The following BUD13 variants were observed in gnomAD, a reference collection of about 807,000 sequenced individuals.
BUD13 encodes BUD13 homolog.
In BUD13, 47 loss-of-function variants were observed where a neutral mutation model predicts 62.5. That is an observed-to-expected ratio of 0.75 (90% confidence interval 0.60 to 0.96). The LOEUF (loss-of-function observed/expected upper bound fraction) is 0.96, where lower values mean the gene tolerates loss of function less well. Ranked by LOEUF, BUD13 falls within the 40% of genes least tolerant of loss-of-function variation. The pLI, the probability that BUD13 is intolerant of heterozygous loss-of-function variation, is 0.00. For missense variants in BUD13, 821 were observed against 790.9 expected (o/e 1.04, Z -0.46); for synonymous variants, 293 against 280.1 (o/e 1.05, Z -0.46).
chr11:116,748,444 A>C lies in BUD13; in HGVS notation c.*38T>G. The C allele has an allele frequency of 6.3e-7, 1 of 1,582,314 alleles. No homozygotes were observed. Among genetic ancestry groups the C allele is most frequent in the Non-Finnish European group, 8.7e-7 (1 of 1,151,156 alleles). On this transcript the variant is annotated 3_prime_UTR_variant, in exon 10 of 10. Coordinates refer to ENST00000260210, the MANE Select transcript of BUD13 (RefSeq NM_032725.4). Reference sequence around the variant, plus strand: ...ACTGGATATCTCGCTGCCTATGCCCACTACCACAGCCCAGCCACCCCCACA... The same window carrying C: ...ACTGGATATCTCGCTGCCTATGCCCCCTACCACAGCCCAGCCACCCCCACA...
intron 9 of BUD13, among the ~76,000 whole-genome samples, chr11:116,749,741 G>T (rs1249434719): frequency 6.6e-6 from 1 of 152,186 alleles, no homozygotes; most frequent in Admixed American, 6.5e-5. Context: ...TTTAAAGCAA[G>T]AACTTAAACT....
intron 9 of BUD13, among the ~76,000 whole-genome samples, chr11:116,756,712 C>T (rs1401388983): frequency 6.6e-6 from 1 of 152,050 alleles, no homozygotes; most frequent in African/African-American, 2.4e-5. Flanking sequence ...GGTAGGTAGA[C>T]AGATGAGGTG....
At chr11:116,758,804 C>T (rs530555386) in intron 6 of BUD13, among the ~76,000 whole-genome samples, 1 of 151,888 alleles carries the variant, frequency 6.6e-6, no homozygotes, top group East Asian at 1.9e-4. Flanking sequence ...GTTAGCCAGG[C>T]TGGTCTTGAA....
intron 8 of BUD13, 128 bp from the exon 9 acceptor site, chr11:116,757,355 G>C (rs1402927967): frequency 1.2e-6 from 1 of 819,936 alleles, no homozygotes; most frequent in South Asian, 1.7e-5. Flanking sequence ...GAGTACAGTG[G>C]CACGATCTCA....
rs571987372 is a variant in BUD13, at chr11:116,749,978, T to C, written c.1767-1403A>G. On this transcript the variant is annotated intron_variant, in intron 9 of 9. Coordinates refer to ENST00000260210, the MANE Select transcript of BUD13 (RefSeq NM_032725.4). ...GTAGGAGCAGGCTTACAGTAGAAGC[T>C]GATGAGTTCAGCTTTGAATACAATG... Among the ~76,000 whole-genome samples, 4 of 152,330 alleles carry C rather than the reference T, an allele frequency of 2.6e-5. No individual in the cohort carries two copies. In the East Asian group the frequency reaches 7.7e-4, roughly 29 times the overall value.
At chr11:116,764,447 T>C (rs1049778743) in intron 3 of BUD13, among the ~76,000 whole-genome samples, 1 of 152,028 alleles carries the variant, frequency 6.6e-6, no homozygotes, top group Admixed American at 6.6e-5. Flanking sequence ...GTACTTCCAA[T>C]AACAAATTGG....
intron 2 of BUD13, among the ~76,000 whole-genome samples, chr11:116,767,637 G>A (rs935537460): frequency 3.4e-5 from 5 of 145,934 alleles, no homozygotes; most frequent in Non-Finnish European, 7.5e-5. Context: ...TTACTCACTT[G>A]CTAAATCAGC....
intron 2 of BUD13, among the ~76,000 whole-genome samples, chr11:116,767,861 T>G (rs905570094): frequency 6.6e-6 from 1 of 151,500 alleles, no homozygotes; most frequent in Non-Finnish European, 1.5e-5. Context: ...TGGTACCAGC[T>G]ACGTGCAGGA....
rs746499757 is a variant in BUD13, at chr11:116,758,224, T to C, written c.1499+45A>G. 12 of 1,608,078 alleles carry C rather than the reference T, an allele frequency of 7.5e-6. No homozygotes were observed. The South Asian group carries it at 1.1e-4, about 15-fold the overall frequency. On this transcript the variant is annotated intron_variant, in intron 7 of 9. Coordinates refer to ENST00000260210, the MANE Select transcript of BUD13 (RefSeq NM_032725.4). ...ATCAGAAGAGCAGAGAAATGACTTG[T>C]TCCAGTCACTGCCATCTTGTTTACC...
In BUD13 at chr11:116,759,174, T is replaced by C. The variant is rs1231379070; in HGVS notation, c.1260A>G (p.Ala420=). The C allele has an allele frequency of 6.2e-7, 1 of 1,613,198 alleles. No homozygotes were observed. The highest frequency in any genetic ancestry group is 1.7e-5 in the Admixed American group (1 of 60,020). The change falls in exon 6 of 10, where the codon GCA becomes GCG. Residue 420 remains alanine (A), a synonymous_variant. Coordinates refer to ENST00000260210, the MANE Select transcript of BUD13 (RefSeq NM_032725.4). The part of the protein sequence containing the change: ...RRSQPPGKKA[A]HMYSGAKTGL... Reference sequence around the variant, plus strand: ...CAGTTTTAGCCCCAGAATACATGTGTGCAGCCTATGCAACGGAAAAGGGAG... The same window carrying C: ...CAGTTTTAGCCCCAGAATACATGTGCGCAGCCTATGCAACGGAAAAGGGAG...
At chr11:116,749,330 A>C (rs1940194157) in intron 9 of BUD13, among the ~76,000 whole-genome samples, 1 of 152,232 alleles carries the variant, frequency 6.6e-6, no homozygotes, top group Non-Finnish European at 1.5e-5. Context: ...TTAAACAAAT[A>C]AATTAAAAGA....
At chr11:116,750,323 C>A (rs1435029359) in intron 9 of BUD13, among the ~76,000 whole-genome samples, 1 of 152,120 alleles carries the variant, frequency 6.6e-6, no homozygotes, top group South Asian at 2.1e-4. Context: ...AGTGAGTGGA[C>A]CTCAAATCCC....
intron 9 of BUD13, among the ~76,000 whole-genome samples, chr11:116,752,952 G>A (rs987869539): frequency 2.6e-5 from 4 of 152,156 alleles, no homozygotes; most frequent in African/African-American, 7.2e-5. Flanking sequence ...ACGGCACCCC[G>A]AGGGACAGAA....
At chr11:116,757,526 G>T (rs917503451) in intron 8 of BUD13, among the ~76,000 whole-genome samples, 3 of 150,506 alleles carry the variant, frequency 2.0e-5, no homozygotes, top group East Asian at 2.0e-4. Flanking sequence ...GGCTGGTCTC[G>T]AACTCTAAGG....
intron 2 of BUD13, 37 bp from the exon 3 acceptor site, chr11:116,765,483 C>T (rs199761127): frequency 2.7e-5 from 43 of 1,608,746 alleles, no homozygotes; most frequent in Non-Finnish European, 3.4e-5. Context: ...AGGAAATCCA[C>T]AGGATCCAGC....
chr11:116,765,401 C>T lies in BUD13; in HGVS notation c.283G>A (p.Glu95Lys). ...CATTTGGCACTGGAACGAAAGGCCT[C>T]CATCTGCTTTACCTCTTCTGGCCGC... is the stretch of plus-strand genomic sequence containing the variant. Reference protein sequence around the residue: ...DERPEEVKQMEAFRSSAKWKL... With the variant: ...DERPEEVKQMKAFRSSAKWKL... Residue 95 changes from glutamate (E) to lysine (K), a missense_variant, in exon 3 of 10, where the codon GAG (glutamate) becomes AAG (lysine). This residue lies in a region of BUD13 where 800 missense variants were observed against 739.2 expected (regional missense o/e 1.08). Transcript: ENST00000260210. The T allele has an allele frequency of 6.2e-7, 1 of 1,614,176 alleles. No individual in the cohort carries two copies. Among genetic ancestry groups the T allele is most frequent in the Non-Finnish European group, 8.5e-7 (1 of 1,180,016 alleles).
chr11:116,757,354 G>A, intron 8 of BUD13, 127 bp from the exon 9 acceptor site: 1 of 824,726 alleles, frequency 1.2e-6, no homozygotes, highest in East Asian at 2.8e-5. Context: ...GGAGTACAGT[G>A]GCACGATCTC....
rs1565312307 is a variant in BUD13 at position 116,757,874 on chromosome 11, T to C, written c.1576A>G (p.Ile526Val). The C allele has an allele frequency of 1.2e-6, 2 of 1,614,218 alleles. No homozygotes were observed. The highest frequency in any genetic ancestry group is 1.7e-6 in the Non-Finnish European group (2 of 1,180,038). The change falls in exon 8 of 10, where the codon ATT (isoleucine) becomes GTT (valine). Residue 526 changes from isoleucine (I) to valine (V), a missense_variant. By Grantham distance (29) the Ile-to-Val change is conservative. Around this residue, in one of 2 missense-constraint regions of BUD13, gnomAD observed 800 missense variants for 739.2 expected, o/e 1.08. Coordinates refer to ENST00000260210, the MANE Select transcript of BUD13 (RefSeq NM_032725.4). ...KEMQKPLARYIDDEDLDRMLR... is the reference protein window; with the variant it reads ...KEMQKPLARYVDDEDLDRMLR... ...ATCCTATCCAGATCTTCGTCATCAA[T>C]ATAGCGGGCCAGAGGCTTTTGCATC...
At chr11:116,769,212 C>A (rs532048851) in intron 2 of BUD13, among the ~76,000 whole-genome samples, 1 of 152,054 alleles carries the variant, frequency 6.6e-6, no homozygotes, top group Non-Finnish European at 1.5e-5. Flanking sequence ...CTCTTACTTA[C>A]CCTTCAAAAC....
Sources: allele counts gnomAD v4.1 joint callset (sites outside exome capture counted in the v4.1 genomes callset), GRCh38; gene constraint gnomAD v4.1.1; regional missense constraint gnomAD v4.1.1; transcripts MANE v1.5; gene names NCBI Gene and HGNC (gene_info 2026-07-23, HGNC 2026-07-21).